The following AGBL4 variants were observed in gnomAD, a reference collection of about 807,000 sequenced individuals.
The protein encoded by AGBL4 is AGBL carboxypeptidase 4, also known as cytosolic carboxypeptidase 6.
AGBL4 carries 58 observed loss-of-function variants against 66.4 expected under a neutral mutation model. That is an observed-to-expected ratio of 0.87 (90% CI 0.71 to 1.09). The LOEUF (loss-of-function observed/expected upper bound fraction) is 1.09, where lower values mean the gene tolerates loss of function less well. Ranked by LOEUF, AGBL4 falls within the 50% of genes least tolerant of loss-of-function variation. The probability of loss-of-function intolerance (pLI) is 0.00; values close to 1 mark genes in which losing one functional copy is unlikely to be tolerated. For synonymous variants in AGBL4, 234 were observed against 222.9 expected, an observed-to-expected ratio of 1.05 and a Z score of -0.44; for missense variants, 579 against 631.0, an observed-to-expected ratio of 0.92 and a Z score of 0.88.
chr1:49,036,661 C>T (rs937332560), intron 5 of AGBL4, among the ~76,000 whole-genome samples: 1 of 151,766 alleles, frequency 6.6e-6, no homozygotes, highest in African/African-American at 2.4e-5. Flanking sequence ...AACTCCTGGG[C>T]TCAAGCAATC....
intron 1 of AGBL4, among the ~76,000 whole-genome samples, chr1:49,963,055 G>C (rs754867870): frequency 1.3e-5 from 2 of 152,090 alleles, no homozygotes; most frequent in Non-Finnish European, 1.5e-5. Flanking sequence ...GGCTTCTCTG[G>C]ATGAAGACCA....
intron 3 of AGBL4, among the ~76,000 whole-genome samples, chr1:49,476,897 C>A (rs372378906): frequency 6.6e-6 from 1 of 151,864 alleles, no homozygotes; most frequent in South Asian, 2.1e-4. Flanking sequence ...AGCCCTTGGG[C>A]CTGAAGATAA....
intron 3 of AGBL4, among the ~76,000 whole-genome samples, chr1:49,480,428 A>G (rs1265722099): frequency 1.3e-5 from 2 of 149,712 alleles, no homozygotes; most frequent in African/African-American, 2.4e-5. Flanking sequence ...GGCCACTTGC[A>G]TGTCTTCTTT....
intron 3 of AGBL4, chr1:49,527,393 C>T (rs1211623383): frequency 6.6e-6 from 1 of 152,498 alleles, no homozygotes; most frequent in African/African-American, 2.4e-5. Flanking sequence ...TTATAACACC[C>T]TGACCTCAGG....
Position 49,849,478 on chromosome 1 carries a change from T to TACAC in AGBL4, c.157+1914_157+1917dup, listed in dbSNP as rs772101356. Among the ~76,000 whole-genome samples, 7 of 135,842 alleles carry TACAC rather than the reference T, an allele frequency of 5.2e-5. No individual in the cohort carries two copies. In the East Asian group the frequency reaches 1.1e-3, roughly 22 times the overall value. 89.1% of individuals were successfully genotyped at this position (135,842 alleles called of 152,430 possible). ...CTCACATCTTTAAACAAAGTATACATACACACACACACACACACACACACA... is the reference window on the plus strand; with the variant it reads ...CTCACATCTTTAAACAAAGTATACATACACACACACACACACACACACACACACA... On this transcript the variant is annotated intron_variant, in intron 2 of 13. Transcript: ENST00000371839.
intron 11 of AGBL4, among the ~76,000 whole-genome samples, chr1:48,565,420 A>G (rs1369558588): frequency 6.6e-6 from 1 of 152,184 alleles, no homozygotes; most frequent in African/African-American, 2.4e-5. Context: ...CATTCTGTGT[A>G]TTTCCAGACA....
chr1:49,320,784 G>C (rs1367359970), intron 3 of AGBL4, among the ~76,000 whole-genome samples: 3 of 152,114 alleles, frequency 2.0e-5, no homozygotes, highest in African/African-American at 2.4e-5. Context: ...ACCTGAGACT[G>C]AGTAATTTAT....
At chr1:49,499,203 A>G (rs1647895803) in intron 3 of AGBL4, among the ~76,000 whole-genome samples, 1 of 151,824 alleles carries the variant, frequency 6.6e-6, no homozygotes, top group East Asian at 1.9e-4. Flanking sequence ...TTTATGGGAC[A>G]CTTTCTATTA....
chr1:48,713,221 A>G (rs1377962179), intron 6 of AGBL4, among the ~76,000 whole-genome samples: 1 of 152,154 alleles, frequency 6.6e-6, no homozygotes, highest in Non-Finnish European at 1.5e-5. Flanking sequence ...CAACCCAGAG[A>G]AGGCACACAG....
intron 3 of AGBL4, among the ~76,000 whole-genome samples, chr1:49,499,454 G>A (rs1278449927): frequency 6.6e-6 from 1 of 151,776 alleles, no homozygotes; most frequent in African/African-American, 2.4e-5. Flanking sequence ...AAATGTTGGT[G>A]CACCCACCAC....
At chr1:48,962,506 G>C (rs1028379111) in intron 5 of AGBL4, among the ~76,000 whole-genome samples, 1 of 152,156 alleles carries the variant, frequency 6.6e-6, no homozygotes, top group East Asian at 1.9e-4. Flanking sequence ...GTTGGTCATT[G>C]TGTTTCTGTT....
intron 4 of AGBL4, chr1:49,174,672 C>T (rs1424111956): frequency 6.6e-6 from 1 of 152,136 alleles, no homozygotes; most frequent in African/African-American, 2.4e-5. Context: ...AGTAGGCCTG[C>T]AGCTTTCAGC....
intron 5 of AGBL4, among the ~76,000 whole-genome samples, chr1:49,038,797 C>T (rs1000996261): frequency 5.9e-5 from 9 of 152,072 alleles, no homozygotes; most frequent in Non-Finnish European, 1.3e-4. Context: ...TTGGTGATTT[C>T]TTACAAAACT....
At chr1:49,099,840 G>A (rs1346151754) in intron 4 of AGBL4, among the ~76,000 whole-genome samples, 1 of 152,146 alleles carries the variant, frequency 6.6e-6, no homozygotes, top group Admixed American at 6.6e-5. Context: ...GACAACCCAG[G>A]AGCAGAAAGT....
intron 3 of AGBL4, among the ~76,000 whole-genome samples, chr1:49,595,598 G>A (rs1644837393): frequency 1.3e-5 from 2 of 151,800 alleles, no homozygotes; most frequent in South Asian, 2.1e-4. Context: ...AGAAGGGAAT[G>A]ACATTCAGGA....
intron 3 of AGBL4, among the ~76,000 whole-genome samples, chr1:49,256,230 C>A (rs1652488039): frequency 6.6e-6 from 1 of 151,872 alleles, no homozygotes; most frequent in Admixed American, 6.6e-5. Context: ...ATCTTAATTA[C>A]CCTGATTAGA....
chr1:48,748,465 T>C (rs1243028381), intron 6 of AGBL4, among the ~76,000 whole-genome samples: 2 of 152,150 alleles, frequency 1.3e-5, no homozygotes, highest in African/African-American at 4.8e-5. Flanking sequence ...CCACCAGCCA[T>C]GTGGCTAACA....
At chr1:49,680,596 A>G (rs1338365832) in intron 3 of AGBL4, among the ~76,000 whole-genome samples, 1 of 151,900 alleles carries the variant, frequency 6.6e-6, no homozygotes, top group Non-Finnish European at 1.5e-5. Context: ...CTATCTTTCA[A>G]ATTTTTTTCT....
chr1:49,878,125 G>A (rs1174712044), intron 1 of AGBL4, among the ~76,000 whole-genome samples: 24 of 145,906 alleles, frequency 1.6e-4, no homozygotes, highest in African/African-American at 5.7e-4. Context: ...TGGATTCACT[G>A]ATTTTTTGAA....
Sources: gnomAD v4.1 joint callset for allele counts (sites outside exome capture counted in the v4.1 genomes callset) on GRCh38, gnomAD v4.1.1 for gene constraint, MANE v1.5 for transcripts, NCBI Gene and HGNC (gene_info 2026-07-23, HGNC 2026-07-21) for gene names.